Variants in CTNNA2 observed in about 807,000 individuals in gnomAD.
CTNNA2 encodes catenin alpha-2.
In CTNNA2, 42 loss-of-function variants were observed where a neutral mutation model predicts 101.0. The ratio of observed to expected loss-of-function variants is 0.42; its 90% CI spans 0.32 to 0.54. The LOEUF is 0.54. Ranked by LOEUF, CTNNA2 falls within the 20% of genes least tolerant of loss-of-function variation. The probability of loss-of-function intolerance (pLI) is 0.14; values close to 1 mark genes in which losing one functional copy is unlikely to be tolerated. For synonymous variants in CTNNA2, 450 were observed against 456.4 expected (o/e 0.99, Z 0.18); for missense variants, 871 against 1,223.1 (o/e 0.71, Z 4.29).
At chr2:79,907,245 T>C (rs1022459451) in intron 6 of CTNNA2, among the ~76,000 whole-genome samples, 8 of 152,184 alleles carry the variant, frequency 5.3e-5, no homozygotes, top group Non-Finnish European at 1.0e-4. Flanking sequence ...GTAATCTTTA[T>C]AAGTAAGATA....
At chr2:79,471,873 G>C (rs1002488348) in intron 4 of CTNNA2, among the ~76,000 whole-genome samples, 7 of 151,960 alleles carry the variant, frequency 4.6e-5, no homozygotes, top group Non-Finnish European at 1.0e-4. Flanking sequence ...CATATCAGTT[G>C]TGGGGAGGCA....
chr2:80,596,310 T>G (rs1696969281), intron 15 of CTNNA2, among the ~76,000 whole-genome samples: 1 of 70,332 alleles, frequency 1.4e-5, no homozygotes, highest in Non-Finnish European at 2.8e-5. Context: ...TTTTTTTTTT[T>G]TTTTTTTTTT....
chr2:79,902,014 C>T lies in CTNNA2; in HGVS notation c.853-7580C>T, dbSNP rs538515710. On this transcript the variant is annotated intron_variant, in intron 6 of 18. Transcript: ENST00000402739. ...AGAAATATATTGTAATACCTACTGA[C>T]CAGTTTGAAACAGAGGTGAGGATTA... 7.2e-5 allele frequency among the ~76,000 whole-genome samples: 11 copies of T among 152,220 alleles called. No homozygotes were observed. The South Asian group carries it at 2.3e-3, about 32-fold the overall frequency.
At chr2:80,345,657 T>C (rs928367072) in intron 7 of CTNNA2, among the ~76,000 whole-genome samples, 7 of 151,990 alleles carry the variant, frequency 4.6e-5, no homozygotes, top group African/African-American at 1.7e-4. Flanking sequence ...AGGGACTAAT[T>C]TAAAAAAAAA....
At chr2:79,783,294 C>T (rs1413960658) in intron 3 of CTNNA2, among the ~76,000 whole-genome samples, 2 of 152,076 alleles carry the variant, frequency 1.3e-5, no homozygotes, top group Admixed American at 6.6e-5. Context: ...GTGACTCAAC[C>T]AATGGCAATA....
At chr2:80,231,417 G>T (rs1709205103) in intron 7 of CTNNA2, among the ~76,000 whole-genome samples, 1 of 152,138 alleles carries the variant, frequency 6.6e-6, no homozygotes, top group Admixed American at 6.5e-5. Flanking sequence ...CACTGATCAG[G>T]CAAGGCACTG....
At chr2:79,536,909 C>T (rs1042443376) in intron 1 of CTNNA2, among the ~76,000 whole-genome samples, 1 of 152,042 alleles carries the variant, frequency 6.6e-6, no homozygotes, top group Admixed American at 6.6e-5. Context: ...AGCGTGTTGC[C>T]CAGGCTGGGC....
At chr2:80,150,887 T>C (rs1703654844) in intron 7 of CTNNA2, among the ~76,000 whole-genome samples, 1 of 152,218 alleles carries the variant, frequency 6.6e-6, no homozygotes, top group South Asian at 2.1e-4. Flanking sequence ...TGTTTTTTAA[T>C]GTGAGGGATG....
chr2:79,819,436 G>T (rs1385442414), intron 3 of CTNNA2, among the ~76,000 whole-genome samples: 1 of 152,066 alleles, frequency 6.6e-6, no homozygotes, highest in Admixed American at 6.6e-5. Flanking sequence ...AAAATTACTT[G>T]CATTTTTGTA....
chr2:79,200,307 C>A (rs1674018047), intron 2 of CTNNA2, among the ~76,000 whole-genome samples: 1 of 151,716 alleles, frequency 6.6e-6, no homozygotes, highest in South Asian at 2.1e-4. Context: ...TCGCTTGAAC[C>A]TGGAAGGAAG....
At chr2:79,224,390 G>A (rs989700658) in intron 2 of CTNNA2, among the ~76,000 whole-genome samples, 5 of 152,022 alleles carry the variant, frequency 3.3e-5, no homozygotes, top group Admixed American at 1.3e-4. Context: ...ATTTTACCAT[G>A]AACATTCAAA....
chr2:79,715,205 C>CAAAAAAAA (rs140432724), intron 2 of CTNNA2, among the ~76,000 whole-genome samples: 46 of 66,302 alleles, frequency 6.9e-4, no homozygotes, highest in South Asian at 1.7e-3. Flanking sequence ...AAAATTCCGT[C>CAAAAAAAA]AAAAAAAAAA....
intron 7 of CTNNA2, among the ~76,000 whole-genome samples, chr2:80,088,585 C>A (rs916240234): frequency 4.4e-4 from 67 of 151,976 alleles, no homozygotes; most frequent in African/African-American, 1.6e-3. Context: ...AATATACTTT[C>A]TGTTGTTTGT....
At chr2:79,599,086 CTT>C (rs1677386388) in intron 1 of CTNNA2, among the ~76,000 whole-genome samples, 1 of 152,056 alleles carries the variant, frequency 6.6e-6, no homozygotes, top group African/African-American at 2.4e-5. Context: ...TGCCTTCTCT[CTT>C]TTGTGAAAGG....
chr2:80,184,509 C>A (rs148653846), intron 7 of CTNNA2, among the ~76,000 whole-genome samples: 1 of 152,080 alleles, frequency 6.6e-6, no homozygotes, highest in African/African-American at 2.4e-5. Flanking sequence ...CAGGGGCCAA[C>A]TAGAAGGAAC....
intron 7 of CTNNA2, among the ~76,000 whole-genome samples, chr2:80,146,709 G>GTTTT (rs1384506245): frequency 4.3e-5 from 3 of 70,464 alleles, no homozygotes; most frequent in Non-Finnish European, 6.4e-5. Flanking sequence ...AGTCCCCTCT[G>GTTTT]GTTTTTTTTT....
Position 79,346,139 on chromosome 2 carries a change from A to C in CTNNA2, c.-317-27692A>C, listed in dbSNP as rs111540780. Among the ~76,000 whole-genome samples, 901 of 152,282 alleles carry C rather than the reference A, an allele frequency of 5.9e-3. 5 individuals carry two copies. Among genetic ancestry groups the C allele is most frequent in the African/African-American group, 0.021 (859 of 41,552 alleles). ...AATAAAGTGACAGTAGACTGTCTAGAAACATGATTAAATACAGAAAACATT... is the reference window on the plus strand; with the variant it reads ...AATAAAGTGACAGTAGACTGTCTAGCAACATGATTAAATACAGAAAACATT... On this transcript the variant is annotated intron_variant, in intron 3 of 21. Coordinates refer to the CTNNA2 transcript ENST00000466387.
rs1457448355 is a variant in CTNNA2 at position 80,604,061 on chromosome 2, T to C, written c.2190-13T>C. The C allele has an allele frequency of 4.2e-5, 68 of 1,605,134 alleles. No homozygotes were observed. Among genetic ancestry groups the C allele is most frequent in the Non-Finnish European group, 5.5e-5 (65 of 1,172,672 alleles). Reference sequence around the variant, plus strand: ...TAAGTGGATTTCTAATTATGTTGTATATGTTGTTTCAGAGGCAAAGGCCCA... The same window carrying C: ...TAAGTGGATTTCTAATTATGTTGTACATGTTGTTTCAGAGGCAAAGGCCCA... On this transcript the variant is annotated splice_polypyrimidine_tract_variant and intron_variant, in intron 15 of 18. Transcript: ENST00000402739.
chr2:80,627,662 G>A (rs1461803402), intron 18 of CTNNA2, among the ~76,000 whole-genome samples: 1 of 152,058 alleles, frequency 6.6e-6, no homozygotes, highest in African/African-American at 2.4e-5. Flanking sequence ...TAGGTTGCAT[G>A]TTCACTCTGA....
Sources: allele counts gnomAD v4.1 joint callset (sites outside exome capture counted in the v4.1 genomes callset), GRCh38; gene constraint gnomAD v4.1.1; transcripts MANE v1.5; gene names NCBI Gene and HGNC (gene_info 2026-07-23, HGNC 2026-07-21).